MTRF1: variants seen among roughly 807,000 people sequenced by gnomAD.
MTRF1 encodes the protein mitochondrial translation release factor 1.
Under a neutral mutation model 62.9 loss-of-function variants are expected in MTRF1, and 51 were observed. The observed-to-expected ratio is 0.81, with a 90% CI of 0.65 to 1.02. MTRF1 has a LOEUF of 1.02. Ranked by LOEUF, MTRF1 falls within the 50% of genes least tolerant of loss-of-function variation. The pLI is 0.00. For missense variants in MTRF1, 446 were observed against 530.0 expected, an observed-to-expected ratio of 0.84 and a Z score of 1.56; for synonymous variants, 158 against 181.9, an observed-to-expected ratio of 0.87 and a Z score of 1.06.
intron 5 of MTRF1, among the ~76,000 whole-genome samples, chr13:41,248,591 A>G (rs1363759845): frequency 6.6e-6 from 1 of 152,224 alleles, no homozygotes; most frequent in Non-Finnish European, 1.5e-5. Flanking sequence ...TCTGACCTAC[A>G]GAGAAGAGTG....
rs192957056 is a variant in MTRF1 at position 41,255,047 on chromosome 13, A to G, written c.416-427T>C. ...CTAATTAAATATAAACCCAAATAAG[A>G]TAAGATTTGGAGCAAACTGGAGTGA... On this transcript the variant is annotated intron_variant, in intron 2 of 9. Transcript: ENST00000379480. Among the ~76,000 whole-genome samples the G allele has an allele frequency of 8.6e-4, 131 of 152,316 alleles. 2 individuals carry two copies. Among genetic ancestry groups the G allele is most frequent in the South Asian group, 1.5e-3 (7 of 4,826 alleles).
At chr13:41,220,057 G>A (rs1321511087) in intron 9 of MTRF1, among the ~76,000 whole-genome samples, 4 of 150,524 alleles carry the variant, frequency 2.7e-5, no homozygotes, top group African/African-American at 4.9e-5. Flanking sequence ...CTGGGGGCGC[G>A]GTGGCTCAGG....
upstream of MTRF1, among the ~76,000 whole-genome samples, chr13:41,267,101 T>C (rs2040849431): frequency 1.3e-5 from 2 of 152,104 alleles, no homozygotes. Flanking sequence ...GTACATAGAT[T>C]GCAATTGGTT....
At chr13:41,274,775 A>G in the MTRF1 span, among the ~76,000 whole-genome samples, 1 of 151,990 alleles carries the variant, frequency 6.6e-6, no homozygotes, top group South Asian at 2.1e-4. Context: ...AGCTGGGATT[A>G]CAGGCACGCT....
At chr13:41,224,757 A>G (rs1192050255) in intron 8 of MTRF1, among the ~76,000 whole-genome samples, 1 of 152,222 alleles carries the variant, frequency 6.6e-6, no homozygotes, top group African/African-American at 2.4e-5. Context: ...TCTTGGTTGA[A>G]GAAAAAAACT....
chr13:41,220,421 T>A, intron 9 of MTRF1: 1 of 388,246 alleles, frequency 2.6e-6, no homozygotes, highest in Non-Finnish European at 4.8e-6. Flanking sequence ...GAGCAGGAGA[T>A]AAGGCTGATG....
the MTRF1 span, among the ~76,000 whole-genome samples, chr13:41,269,619 A>G: frequency 6.6e-6 from 1 of 152,092 alleles, no homozygotes; most frequent in Non-Finnish European, 1.5e-5. Context: ...TTTTGTTAGA[A>G]AATACCCAAA....
the MTRF1 span, among the ~76,000 whole-genome samples, chr13:41,279,074 T>C: frequency 5.3e-5 from 8 of 152,298 alleles, no homozygotes; most frequent in East Asian, 1.2e-3. Context: ...CTGCAACCTC[T>C]TTCTCCCGGG....
At chr13:41,296,488 A>G in the MTRF1 span, among the ~76,000 whole-genome samples, 1 of 152,216 alleles carries the variant, frequency 6.6e-6, no homozygotes, top group Non-Finnish European at 1.5e-5. Flanking sequence ...GGGATATTCT[A>G]GTTGGGCCCC....
the MTRF1 span, among the ~76,000 whole-genome samples, chr13:41,311,766 C>G: frequency 2.6e-5 from 4 of 152,334 alleles, no homozygotes; most frequent in South Asian, 4.1e-4. Flanking sequence ...GCTGCCGAGC[C>G]GCTCCTCCGT....
At chr13:41,233,528 C>G (rs2035964215) in intron 7 of MTRF1, among the ~76,000 whole-genome samples, 1 of 152,134 alleles carries the variant, frequency 6.6e-6, no homozygotes, top group Non-Finnish European at 1.5e-5. Flanking sequence ...ATTAGTGCAG[C>G]AAAGCCTAAT....
chr13:41,311,861 C>T, the MTRF1 span, among the ~76,000 whole-genome samples: 1 of 152,260 alleles, frequency 6.6e-6, no homozygotes, highest in Non-Finnish European at 1.5e-5. Flanking sequence ...CCGCAGTGCC[C>T]GGGCACAGCC....
chr13:41,311,458 C>T, the MTRF1 span: 3 of 1,468,322 alleles, frequency 2.0e-6, no homozygotes, highest in South Asian at 2.4e-5. Context: ...GTCCCGGTGC[C>T]CACCCCCGCG....
chr13:41,286,493 G>A, the MTRF1 span, among the ~76,000 whole-genome samples: 1 of 152,176 alleles, frequency 6.6e-6, no homozygotes, highest in Non-Finnish European at 1.5e-5. Flanking sequence ...AAGTGAACCT[G>A]CTAACCCAGG....
chr13:41,292,412 G>A, the MTRF1 span, among the ~76,000 whole-genome samples: 5 of 151,630 alleles, frequency 3.3e-5, no homozygotes, highest in East Asian at 5.8e-4. Flanking sequence ...GTGAAACCCC[G>A]TCTCTACTAA....
chr13:41,310,352 A>C, the MTRF1 span, among the ~76,000 whole-genome samples: 1 of 152,114 alleles, frequency 6.6e-6, no homozygotes, highest in Non-Finnish European at 1.5e-5. Context: ...GGGTAGGTAG[A>C]CTCAGAAGAC....
chr13:41,255,636 G>A (rs898776813), intron 2 of MTRF1, among the ~76,000 whole-genome samples: 1 of 152,166 alleles, frequency 6.6e-6, no homozygotes, highest in Non-Finnish European at 1.5e-5. Context: ...AGGTTGCGGT[G>A]AGCCAAGGTC....
the MTRF1 span, among the ~76,000 whole-genome samples, chr13:41,292,537 C>T: frequency 6.2e-5 from 9 of 144,480 alleles, no homozygotes; most frequent in East Asian, 4.0e-4. Flanking sequence ...GCAGAGATCA[C>T]GCCACTGCAC....
chr13:41,224,742 G>T (rs1049147848), intron 8 of MTRF1, among the ~76,000 whole-genome samples: 5 of 152,144 alleles, frequency 3.3e-5, no homozygotes, highest in Admixed American at 3.3e-4. Context: ...AAAGCCAAGT[G>T]TATATCTTGG....
Sources: gnomAD v4.1 joint callset for allele counts (sites outside exome capture counted in the v4.1 genomes callset) on GRCh38, gnomAD v4.1.1 for gene constraint, MANE v1.5 for transcripts, NCBI Gene and HGNC (gene_info 2026-07-23, HGNC 2026-07-21) for gene names.